Variants in LRSAM1 observed in about 807,000 individuals in gnomAD.
The protein encoded by LRSAM1 is E3 ubiquitin-protein ligase LRSAM1.
In LRSAM1, 96 loss-of-function variants were observed where a neutral mutation model predicts 118.1. The ratio of observed to expected loss-of-function variants is 0.81; its 90% confidence interval spans 0.69 to 0.96. The LOEUF (loss-of-function observed/expected upper bound fraction) is 0.96, where lower values mean the gene tolerates loss of function less well. Among genes scored for constraint, LRSAM1 ranks in the 40% least tolerant of loss-of-function variants. LRSAM1 has a pLI of 0.00. For synonymous variants in LRSAM1, 322 were observed against 364.2 expected (o/e 0.88, Z 1.32); for missense variants, 804 against 915.5 (o/e 0.88, Z 1.57).
At chr9:127,480,040 C>G in intron 14 of LRSAM1, 62 bp downstream of exon 14, 1 of 1,611,016 alleles carries the variant, frequency 6.2e-7, no homozygotes, top group Non-Finnish European at 8.5e-7. Flanking sequence ...CCTGAGGAGC[C>G]GGGAGGAGTG....
Position 127,465,881 on chromosome 9 carries a change from G to A in LRSAM1, c.529-1859G>A, listed in dbSNP as rs1016145780. On this transcript the variant is annotated intron_variant, in intron 9 of 25. Coordinates refer to ENST00000300417, the MANE Select transcript of LRSAM1 (RefSeq NM_001005373.4). The surrounding 1 kb of genome is among the most constrained non-coding windows in gnomAD (Gnocchi z 4.1). ...ACACCGTGGATGGGGCAGTTCTGTG[G>A]CTGTGAGCTGAGGCCCCTGCTTCCT... Among the ~76,000 whole-genome samples the A allele has an allele frequency of 1.3e-5, 2 of 152,206 alleles. No homozygotes were observed. Among genetic ancestry groups the A allele is most frequent in the African/African-American group, 4.8e-5 (2 of 41,444 alleles).
Position 127,502,953 on chromosome 9 carries a change from C to A in LRSAM1, c.*54C>A. ...TAGCCCTGCCTCGGCCACTGTGAGC[C>A]CCGGGCTCCTGCTCAGCCTTGTGCC... On this transcript the variant is annotated 3_prime_UTR_variant, in exon 26 of 26. Coordinates refer to ENST00000300417, the MANE Select transcript of LRSAM1 (RefSeq NM_001005373.4). 1 of 1,553,618 alleles carries A rather than the reference C, an allele frequency of 6.4e-7. No individual in the cohort carries two copies.
In LRSAM1 at chr9:127,489,627, T is replaced by C. The variant is rs111850696; in HGVS notation, c.1422+109T>C. 21 of 1,229,392 alleles carry C rather than the reference T, an allele frequency of 1.7e-5. No homozygotes were observed. The African/African-American group carries it at 1.8e-4, about 10-fold the overall frequency. The allele number at this position is 1,229,392 out of a possible 1,614,324, so 76.2% of individuals were successfully genotyped here. ...GAGGTTTGAACCCCAGCTCCTTGGCTTGCTAGCCCAACAAGAGGTCGAGGC... is the reference window on the plus strand; with the variant it reads ...GAGGTTTGAACCCCAGCTCCTTGGCCTGCTAGCCCAACAAGAGGTCGAGGC... On this transcript the variant is annotated intron_variant, in intron 19 of 25. Coordinates refer to ENST00000300417, the MANE Select transcript of LRSAM1 (RefSeq NM_001005373.4).
At chr9:127,470,406 C>T (rs548979471) in intron 10 of LRSAM1, among the ~76,000 whole-genome samples, 2 of 152,076 alleles carry the variant, frequency 1.3e-5, no homozygotes, top group South Asian at 4.1e-4. Flanking sequence ...ATAAGAATAG[C>T]ATGGGGGAAC....
At chr9:127,485,959 G>A (rs1312860231) in intron 17 of LRSAM1, 124 bp downstream of exon 17, 9 of 835,762 alleles carry the variant, frequency 1.1e-5, no homozygotes, top group African/African-American at 1.0e-4. Context: ...CTGCTCTGCT[G>A]TTAGGGGCAA....
At chr9:127,479,245 C>G in intron 12 of LRSAM1, 138 bp from the exon 13 acceptor site, 9 of 1,275,738 alleles carry the variant, frequency 7.1e-6, no homozygotes, top group Non-Finnish European at 3.4e-6. Flanking sequence ...ACAGTTGGGC[C>G]CTGGAGGGGA....
At chr9:127,483,958 G>A (rs1042553136) in intron 16 of LRSAM1, among the ~76,000 whole-genome samples, 1 of 152,102 alleles carries the variant, frequency 6.6e-6, no homozygotes, top group Non-Finnish European at 1.5e-5. Context: ...CACCGTGCCT[G>A]GTCTTCATTT....
Position 127,454,739 on chromosome 9 carries a change from C to T in LRSAM1, c.72+140C>T, listed in dbSNP as rs961780308. On this transcript the variant is annotated intron_variant, in intron 3 of 25. Transcript: ENST00000300417. Reference sequence around the variant, plus strand: ...CACAGAAGAAATATTTGACTTAGACCCAACAGATGAGGCCCCCTGCCAAGG... The same window carrying T: ...CACAGAAGAAATATTTGACTTAGACTCAACAGATGAGGCCCCCTGCCAAGG... 30 of 1,000,194 alleles carry T rather than the reference C, an allele frequency of 3.0e-5. No individual in the cohort carries two copies. In the Admixed American group the frequency reaches 6.0e-4, roughly 20 times the overall value. The allele number at this position is 1,000,194 out of a possible 1,614,324, so 62.0% of individuals were successfully genotyped here. A position where few individuals can be genotyped will look rare whatever the true frequency, so the allele number is the denominator to read the frequency against.
rs370239731 is a variant in LRSAM1 at position 127,476,020 on chromosome 9, G to C, written c.750+2089G>C. Among the ~76,000 whole-genome samples the C allele has an allele frequency of 5.3e-5, 8 of 152,234 alleles. No individual in the cohort carries two copies. In the East Asian group the frequency reaches 1.5e-3, roughly 29 times the overall value. ...CTCCCAAAGTGCTGGGATTACAGGTGTGAGCCACCACACCCGCCAGATGTC... is the reference window on the plus strand; with the variant it reads ...CTCCCAAAGTGCTGGGATTACAGGTCTGAGCCACCACACCCGCCAGATGTC... On this transcript the variant is annotated intron_variant, in intron 11 of 25. Transcript: ENST00000300417.
At chr9:127,463,815 G>A (rs111395795) in intron 9 of LRSAM1, among the ~76,000 whole-genome samples, 1 of 152,136 alleles carries the variant, frequency 6.6e-6, no homozygotes, top group Admixed American at 6.5e-5. Context: ...CTTTATCTGG[G>A]GCTTTCTAAG....
chr9:127,476,763 C>T (rs974473775), intron 11 of LRSAM1, among the ~76,000 whole-genome samples: 3 of 152,098 alleles, frequency 2.0e-5, no homozygotes, highest in Admixed American at 6.6e-5. Flanking sequence ...CAACCTCTGC[C>T]TCTCAGGTTC....
chr9:127,478,114 C>T (rs1306215367), intron 11 of LRSAM1, among the ~76,000 whole-genome samples: 1 of 150,346 alleles, frequency 6.7e-6, no homozygotes, highest in East Asian at 1.9e-4. Flanking sequence ...TGTTTAATTA[C>T]ATCAATAATA....
chr9:127,489,410 G>A lies in LRSAM1; in HGVS notation c.1348-34G>A, dbSNP rs55828933. ...GGGCTGCAGGGAAAAGTGTGGGCAC[G>A]GCCCCTGCTGAGGGCTGGTGGTCTG... On this transcript the variant is annotated intron_variant, in intron 18 of 25. Transcript: ENST00000300417. The A allele has an allele frequency of 0.051, 81,473 of 1,588,520 alleles. 2,378 individuals carry two copies. Among genetic ancestry groups the A allele is most frequent in the Non-Finnish European group, 0.059 (68,620 of 1,168,522 alleles).
chr9:127,501,027 G>A lies in LRSAM1; in HGVS notation c.1930G>A (p.Gly644Ser), dbSNP rs201284198. 2.4e-5 allele frequency: 38 copies of A among 1,613,928 alleles called. No homozygotes were observed. In the African/African-American group the frequency reaches 4.0e-4, roughly 17 times the overall value. ...CCCCACAGAGCTGAAACCACCAATGGGTGAGGTCGTCACCCCTACGGCCCC... is the reference window on the plus strand; with the variant it reads ...CCCCACAGAGCTGAAACCACCAATGAGTGAGGTCGTCACCCCTACGGCCCC... ...RIQPELKPPM[G>S]EVVTPTAPQE... is the part of the protein sequence containing the mutation. Residue 644 changes from glycine (G) to serine (S), a missense_variant, in exon 25 of 26, where the codon GGT becomes AGT. Coordinates refer to ENST00000300417, the MANE Select transcript of LRSAM1 (RefSeq NM_001005373.4).
At chr9:127,499,389 T>TA (rs929842177) in intron 24 of LRSAM1, among the ~76,000 whole-genome samples, 10 of 150,082 alleles carry the variant, frequency 6.7e-5, no homozygotes, top group Non-Finnish European at 1.2e-4. Flanking sequence ...ACAAAAAAAT[T>TA]AAAAAAAATT....
chr9:127,486,485 A>G (rs1004496657), intron 17 of LRSAM1: 1 of 158,448 alleles, frequency 6.3e-6, no homozygotes, highest in Non-Finnish European at 1.4e-5. Flanking sequence ...GCAGCCCTGG[A>G]TGCCCTGTTT....
intron 25 of LRSAM1, 78 bp from the exon 26 acceptor site, chr9:127,502,686 CAAAAAAAAAA>C: frequency 1.2e-5 from 11 of 897,750 alleles, no homozygotes; most frequent in East Asian, 4.8e-5. Flanking sequence ...GACTCTGTCT[CAAAAAAAAAA>C]AAAAAAAAAA....
chr9:127,489,539 C>T lies in LRSAM1; in HGVS notation c.1422+21C>T, dbSNP rs375619104. ...GCCAGGTGAGCGCTGGGGCTGGGGT[C>T]CCTGGACCTGCTCTCTCAGAGACTT... On this transcript the variant is annotated intron_variant, in intron 19 of 25. Transcript: ENST00000300417. 78 of 1,593,262 alleles carry T rather than the reference C, an allele frequency of 4.9e-5. No homozygotes were observed. The African/African-American group carries it at 9.3e-4, about 19-fold the overall frequency.
chr9:127,488,563 G>A (rs747083828), intron 18 of LRSAM1, among the ~76,000 whole-genome samples: 1 of 150,186 alleles, frequency 6.7e-6, no homozygotes, highest in Non-Finnish European at 1.5e-5. Context: ...TGCCCAGCCT[G>A]TTTAGCTTTT....
Sources: gnomAD v4.1 joint callset for allele counts (sites outside exome capture counted in the v4.1 genomes callset) on GRCh38, gnomAD v4.1.1 for gene constraint, Gnocchi (gnomAD v3.1) non-coding constraint, MANE v1.5 for transcripts, NCBI Gene and HGNC (gene_info 2026-07-23, HGNC 2026-07-21) for gene names.